Variants in LRRK2 observed in about 807,000 individuals in gnomAD.
LRRK2 encodes leucine rich repeat kinase 2.
LRRK2 carries 203 observed loss-of-function variants against 302.6 expected under a neutral mutation model. The observed-to-expected ratio is 0.67, with a 90% CI of 0.60 to 0.75. The LOEUF is 0.75. LRRK2 is among the 30% of genes least tolerant of loss of function. The pLI, the probability that LRRK2 is intolerant of heterozygous loss-of-function variation, is 0.00. For missense variants in LRRK2, 2,830 were observed against 2,951.0 expected, an observed-to-expected ratio of 0.96 and a Z score of 0.95; for synonymous variants, 1,066 against 1,031.9, an observed-to-expected ratio of 1.03 and a Z score of -0.63.
chr12:40,340,346 C>T lies in LRRK2; in HGVS notation c.6001C>T (p.Leu2001=). 1 of 1,613,826 alleles carries T rather than the reference C, an allele frequency of 6.2e-7. No homozygotes were observed. ...IYRDLKPHNV[L]LFTLYPNAAI... The stretch of plus-strand genomic sequence containing the variant: ...CCGAGACCTGAAACCCCACAATGTG[C>T]TGCTTTTCACACTGTATCCCAATGC... The change falls in exon 41 of 51, where the codon CTG becomes TTG. Residue 2001 remains leucine (L), a synonymous_variant. Transcript: ENST00000298910.
intron 11 of LRRK2, among the ~76,000 whole-genome samples, chr12:40,255,850 A>C (rs1057463571): frequency 2.6e-5 from 4 of 152,212 alleles, no homozygotes; most frequent in Non-Finnish European, 5.9e-5. Flanking sequence ...TTGTATCTTA[A>C]TATGTGATAT....
intron 31 of LRRK2, among the ~76,000 whole-genome samples, chr12:40,312,059 T>A (rs1945054402): frequency 6.6e-6 from 1 of 152,100 alleles, no homozygotes; most frequent in South Asian, 2.1e-4. Flanking sequence ...TCAGAGAATG[T>A]ATCATATCTT....
intron 38 of LRRK2, among the ~76,000 whole-genome samples, chr12:40,327,575 G>A (rs749135667): frequency 4.6e-5 from 7 of 152,202 alleles, no homozygotes; most frequent in Non-Finnish European, 8.8e-5. Context: ...TATGACTATG[G>A]AGCTGAATTT....
chr12:40,332,779 T>G (rs1945748511), intron 39 of LRRK2, among the ~76,000 whole-genome samples: 1 of 152,056 alleles, frequency 6.6e-6, no homozygotes. Context: ...TATAAATTGA[T>G]TTTTTGGCCT....
chr12:40,313,830 A>G (rs941347214), intron 31 of LRRK2, 142 bp from the exon 32 acceptor site: 8 of 656,026 alleles, frequency 1.2e-5, no homozygotes, highest in Admixed American at 5.9e-5. Context: ...ATAGCTTTTT[A>G]TTATATTTTG....
chr12:40,242,180 T>C (rs986365133), intron 6 of LRRK2, among the ~76,000 whole-genome samples: 4 of 152,166 alleles, frequency 2.6e-5, no homozygotes, highest in African/African-American at 9.6e-5. Context: ...TGCTTTTCAG[T>C]CTTTAAGTCT....
chr12:40,237,823 CAACAAACA>C (rs58016929), intron 4 of LRRK2, 138 bp from the exon 5 acceptor site: 139 of 751,486 alleles, frequency 1.8e-4, no homozygotes, highest in South Asian at 6.9e-4. Context: ...AGTAGTTTAT[CAACAAACA>C]AACAAACAAA....
At chr12:40,347,087 GA>G (rs1230375875) in intron 42 of LRRK2, among the ~76,000 whole-genome samples, 164 bp downstream of exon 42, 4 of 152,008 alleles carry the variant, frequency 2.6e-5, no homozygotes, top group Non-Finnish European at 5.9e-5. Flanking sequence ...AAAATCACCT[GA>G]AAAAGGTAGC....
At chr12:40,255,045 A>G (rs1418087811) in intron 11 of LRRK2, among the ~76,000 whole-genome samples, 1 of 152,148 alleles carries the variant, frequency 6.6e-6, no homozygotes, top group Admixed American at 6.6e-5. Flanking sequence ...CCAAGGTTGC[A>G]TACATTTTGT....
At chr12:40,316,536 C>T (rs1025497221) in intron 33 of LRRK2, among the ~76,000 whole-genome samples, 5 of 152,006 alleles carry the variant, frequency 3.3e-5, no homozygotes, top group African/African-American at 7.2e-5. Context: ...GCTTGACCTA[C>T]GTTTCAGTCT....
At chr12:40,355,661 G>A (rs1043664768) in intron 45 of LRRK2, among the ~76,000 whole-genome samples, 1 of 151,644 alleles carries the variant, frequency 6.6e-6, no homozygotes, top group African/African-American at 2.4e-5. Context: ...TCTAGCCTCA[G>A]CCTCCTGAGT....
At chr12:40,346,317 G>C (rs1946190188) in intron 41 of LRRK2, among the ~76,000 whole-genome samples, 3 of 151,982 alleles carry the variant, frequency 2.0e-5, no homozygotes, top group Admixed American at 2.0e-4. Flanking sequence ...TTGGAGTGAA[G>C]TTTAGAAATC....
intron 33 of LRRK2, among the ~76,000 whole-genome samples, chr12:40,319,491 A>G (rs1469550560): frequency 6.6e-6 from 1 of 152,090 alleles, no homozygotes; most frequent in African/African-American, 2.4e-5. Flanking sequence ...CTGCAAGTAG[A>G]ATCCATCAAA....
intron 18 of LRRK2, among the ~76,000 whole-genome samples, chr12:40,283,566 A>G (rs1943794878): frequency 1.3e-5 from 2 of 152,208 alleles, no homozygotes; most frequent in South Asian, 2.1e-4. Flanking sequence ...AGCAATGTGC[A>G]TATTTGGTGG....
chr12:40,228,528 T>C (rs1346902501), intron 2 of LRRK2, among the ~76,000 whole-genome samples: 1 of 150,558 alleles, frequency 6.6e-6, no homozygotes, highest in Non-Finnish European at 1.5e-5. Flanking sequence ...TTTGCAAATA[T>C]TTTCTCCCTT....
At chr12:40,343,029 T>TA (rs779989534) in intron 41 of LRRK2, among the ~76,000 whole-genome samples, 3 of 151,972 alleles carry the variant, frequency 2.0e-5, no homozygotes, top group African/African-American at 7.3e-5. Context: ...TTAGAGAATA[T>TA]AAAAAAACAT....
At chr12:40,360,527 G>C (rs1946670638) in intron 47 of LRRK2, among the ~76,000 whole-genome samples, 1 of 152,034 alleles carries the variant, frequency 6.6e-6, no homozygotes, top group Non-Finnish European at 1.5e-5. Context: ...ACATTAACAA[G>C]AGCATCCAGT....
intron 40 of LRRK2, 37 bp downstream of exon 40, chr12:40,335,194 C>A (rs778971374): frequency 1.2e-6 from 2 of 1,606,310 alleles, no homozygotes; most frequent in African/African-American, 1.3e-5. Flanking sequence ...CAGTGCATGA[C>A]AAGTGTGATC....
chr12:40,320,978 C>T, intron 34 of LRRK2, 56 bp from the exon 35 acceptor site: 1 of 1,586,362 alleles, frequency 6.3e-7, no homozygotes, highest in African/African-American at 1.3e-5. Context: ...ATCATTTGCT[C>T]AACAAGGTTG....
Sources: allele counts gnomAD v4.1 joint callset (sites outside exome capture counted in the v4.1 genomes callset), GRCh38; gene constraint gnomAD v4.1.1; transcripts MANE v1.5; gene names NCBI Gene and HGNC (gene_info 2026-07-23, HGNC 2026-07-21).